SEC31A: variants seen among roughly 807,000 people sequenced by gnomAD.
The protein encoded by SEC31A is SEC31 homolog A, COPII component, also known as protein transport protein Sec31A.
In SEC31A, 70 loss-of-function variants were observed where a neutral mutation model predicts 151.0. The ratio of observed to expected loss-of-function variants is 0.46; its 90% CI spans 0.38 to 0.57. The LOEUF is 0.57. Among genes scored for constraint, SEC31A ranks in the 20% least tolerant of loss-of-function variants. The probability of loss-of-function intolerance (pLI) is 0.00; values close to 1 mark genes in which losing one functional copy is unlikely to be tolerated. For synonymous variants in SEC31A, 475 were observed against 505.9 expected (o/e 0.94, Z 0.82); for missense variants, 1,330 against 1,471.2 (o/e 0.90, Z 1.57).
chr4:82,850,023 TC>T (rs1430240672), intron 19 of SEC31A, among the ~76,000 whole-genome samples: 1 of 151,100 alleles, frequency 6.6e-6, no homozygotes, highest in Admixed American at 6.6e-5. Flanking sequence ...CAGGACGTAT[TC>T]CCCCCACCAA....
At chr4:82,850,547 T>C (rs1731257609) in intron 19 of SEC31A, among the ~76,000 whole-genome samples, 1 of 152,110 alleles carries the variant, frequency 6.6e-6, no homozygotes, top group African/African-American at 2.4e-5. Context: ...ATACATAAAA[T>C]ACAGAATAAA....
At chr4:82,819,627 T>C (rs775822472) in intron 26 of SEC31A, among the ~76,000 whole-genome samples, 37 of 152,264 alleles carry the variant, frequency 2.4e-4, no homozygotes, top group Middle Eastern at 3.4e-3. Flanking sequence ...AATCATAATA[T>C]CTCAAAGGAA....
In SEC31A at chr4:82,872,003, G is replaced by T. The variant is rs1321312011; in HGVS notation, c.723C>A (p.Ile241=). ...AAGCAAATCGAAGATCCCACATCTG[G>T]ATCACTGGTAACCGGTCATCCTCGG... ...LASEDDRLPV[I]QMWDLRFASS... The change falls in exon 7 of 27, where the codon ATC becomes ATA. Residue 241 remains isoleucine (I), a synonymous_variant. Coordinates refer to ENST00000395310, the MANE Select transcript of SEC31A (RefSeq NM_001077207.4). 1 of 1,614,110 alleles carries T rather than the reference G, an allele frequency of 6.2e-7. No individual in the cohort carries two copies. Among genetic ancestry groups the T allele is most frequent in the South Asian group, 1.1e-5 (1 of 91,080 alleles).
chr4:82,828,673 C>CAAAAAAAAAAAAAAAAAAA (rs397994259), intron 23 of SEC31A, among the ~76,000 whole-genome samples: 23 of 44,096 alleles, frequency 5.2e-4, no homozygotes, highest in East Asian at 9.1e-4. Context: ...CAAAGTAACT[C>CAAAAAAAAAAAAAAAAAAA]AAAAAAAAAA....
intron 16 of SEC31A, among the ~76,000 whole-genome samples, chr4:82,855,635 T>C (rs1238916477): frequency 6.6e-6 from 1 of 152,240 alleles, no homozygotes; most frequent in South Asian, 2.1e-4. Flanking sequence ...TCGTGTCCTT[T>C]GCAGGGACAT....
At chr4:82,822,969 G>T (rs562515618) in intron 25 of SEC31A, among the ~76,000 whole-genome samples, 9 of 151,384 alleles carry the variant, frequency 5.9e-5, no homozygotes, top group Non-Finnish European at 8.8e-5. Context: ...GTGAAACTCC[G>T]TCTCAAAAAA....
chr4:82,827,960 G>T (rs565828205), intron 23 of SEC31A, among the ~76,000 whole-genome samples: 66 of 151,784 alleles, frequency 4.3e-4, no homozygotes, highest in African/African-American at 1.5e-3. Context: ...TGTCGCCCAG[G>T]CTGAAGTGCA....
At chr4:82,850,976 C>T (rs1731330062) in intron 19 of SEC31A, among the ~76,000 whole-genome samples, 1 of 152,178 alleles carries the variant, frequency 6.6e-6, no homozygotes, top group Non-Finnish European at 1.5e-5. Flanking sequence ...TGCCCACAGA[C>T]AGTATCAAAC....
rs56888042 is a variant in SEC31A at position 82,837,199 on chromosome 4, A to ATATATATATATATATATATAT, written c.2968+4940_2968+4941insATATATATATATATATATATA. Among the ~76,000 whole-genome samples, 4 of 83,132 alleles carry ATATATATATATATATATATAT rather than the reference A, an allele frequency of 4.8e-5. 1 individual carries two copies. Among genetic ancestry groups the ATATATATATATATATATATAT allele is most frequent in the Non-Finnish European group, 9.7e-5 (4 of 41,044 alleles). 54.5% of individuals were successfully genotyped at this position (83,132 alleles called of 152,430 possible). On this transcript the variant is annotated intron_variant, in intron 22 of 26. Coordinates refer to ENST00000395310, the MANE Select transcript of SEC31A (RefSeq NM_001077207.4). ...TATATATATATATATATATATATAT[A>ATATATATATATATATATATAT]ATTTCACCACAATAAAAACTTTAAT...
intron 11 of SEC31A, among the ~76,000 whole-genome samples, chr4:82,863,957 G>A (rs1464230050): frequency 6.6e-6 from 1 of 151,914 alleles, no homozygotes; most frequent in Non-Finnish European, 1.5e-5. Flanking sequence ...AAAGTAAAAG[G>A]AAAAATGCCT....
At chr4:82,870,216 T>C in intron 8 of SEC31A, 109 bp downstream of exon 8, 3 of 775,750 alleles carry the variant, frequency 3.9e-6, no homozygotes, top group East Asian at 5.1e-5. Context: ...CACGTCCACA[T>C]ACTCTTCACA....
In SEC31A at chr4:82,818,847, T is replaced by C; in HGVS notation, c.*227A>G. 2.7e-6 allele frequency: 1 copy of C among 367,222 alleles called. No homozygotes were observed. 22.7% of individuals were successfully genotyped at this position (367,222 alleles called of 1,614,324 possible). ...TATGTGTAATCCAGGAAATACACTA[T>C]TTGCAGAATAGGAAAATCATCACTG... On this transcript the variant is annotated 3_prime_UTR_variant, in exon 27 of 27. Transcript: ENST00000395310.
chr4:82,876,299 G>A (rs1049705966), intron 4 of SEC31A, among the ~76,000 whole-genome samples: 1 of 151,768 alleles, frequency 6.6e-6, no homozygotes, highest in Non-Finnish European at 1.5e-5. Flanking sequence ...TAGTAGAGAC[G>A]GGGTTTCTCC....
chr4:82,827,599 T>G lies in SEC31A; in HGVS notation c.3061A>C (p.Thr1021Pro). 1 of 1,614,152 alleles carries G rather than the reference T, an allele frequency of 6.2e-7. No homozygotes were observed. The highest frequency in any genetic ancestry group is 8.5e-7 in the Non-Finnish European group (1 of 1,180,024). ...CCCAACGGGTTCATGATTGGTGATG[T>G]GATGGGAACAGGAGGCATGAAGTTT... The part of the protein sequence containing the change: ...PENFMPPVPI[T>P]SPIMNPLGDP... Residue 1021 changes from threonine to proline, a missense_variant, in exon 24 of 27, where the codon ACA (threonine) becomes CCA (proline). Transcript: ENST00000395310.
At chr4:82,829,177 GT>G in intron 22 of SEC31A, 119 bp from the exon 23 acceptor site, 3 of 761,666 alleles carry the variant, frequency 3.9e-6, no homozygotes, top group East Asian at 2.7e-5. Flanking sequence ...TGTCACAAAG[GT>G]TTTACCAGCC....
intron 12 of SEC31A, 109 bp from the exon 13 acceptor site, chr4:82,862,681 G>A (rs1734463911): frequency 1.2e-6 from 1 of 853,964 alleles, no homozygotes; most frequent in Admixed American, 2.2e-5. Flanking sequence ...AGTTCTTATA[G>A]GAATAGTATG....
At chr4:82,854,332 C>T (rs1270375291) in intron 17 of SEC31A, among the ~76,000 whole-genome samples, 1 of 145,162 alleles carries the variant, frequency 6.9e-6, no homozygotes, top group East Asian at 2.0e-4. Flanking sequence ...CATCGCACTC[C>T]AGCCTGGGCA....
chr4:82,881,796 A>T, intron 2 of SEC31A, 62 bp downstream of exon 2: 2 of 1,257,016 alleles, frequency 1.6e-6, no homozygotes, highest in Non-Finnish European at 2.3e-6. Context: ...TAAACTGAAT[A>T]AGCTAGGTGC....
In SEC31A at chr4:82,881,544, C is replaced by G. The variant is rs10033550; in HGVS notation, c.79+314G>C. Among the ~76,000 whole-genome samples the G allele has an allele frequency of 8.0e-3, 1,216 of 152,036 alleles. 14 individuals are homozygous for G. Among genetic ancestry groups the G allele is most frequent in the Non-Finnish European group, 0.01 (682 of 67,992 alleles). On this transcript the variant is annotated intron_variant, in intron 2 of 26. Coordinates refer to ENST00000395310, the MANE Select transcript of SEC31A (RefSeq NM_001077207.4). ...AACTATTTCTTTTTATATAAAAATG[C>G]TAACATCAAAATTGCTCTTCATTCA...
Sources: allele counts gnomAD v4.1 joint callset (sites outside exome capture counted in the v4.1 genomes callset), GRCh38; gene constraint gnomAD v4.1.1; transcripts MANE v1.5; gene names NCBI Gene and HGNC (gene_info 2026-07-23, HGNC 2026-07-21).